BBOX1: variants seen among roughly 807,000 people sequenced by gnomAD.
BBOX1 encodes gamma-butyrobetaine hydroxylase 1.
In BBOX1, 35 loss-of-function variants were observed where a neutral mutation model predicts 41.6. That is an observed-to-expected ratio of 0.84 (90% confidence interval 0.64 to 1.11). The LOEUF (loss-of-function observed/expected upper bound fraction) is 1.11. Ranked by LOEUF, BBOX1 falls within the 50% of genes most tolerant of loss-of-function variation. The pLI is 0.00. For synonymous variants in BBOX1, 163 were observed against 154.7 expected (o/e 1.05, Z -0.40); for missense variants, 458 against 460.6 (o/e 0.99, Z 0.05).
chr11:27,047,504 A>T (rs536665140), intron 2 of BBOX1, among the ~76,000 whole-genome samples: 3 of 152,254 alleles, frequency 2.0e-5, no homozygotes, highest in Non-Finnish European at 4.4e-5. Flanking sequence ...TGGACTGGGT[A>T]TTCATTAAGT....
chr11:27,056,653 A>G (rs1369071216), intron 3 of BBOX1, among the ~76,000 whole-genome samples: 1 of 152,216 alleles, frequency 6.6e-6, no homozygotes, highest in Non-Finnish European at 1.5e-5. Flanking sequence ...TAGAGGATGT[A>G]GGTCAAGAAC....
chr11:27,115,187 A>C (rs913808823), intron 5 of BBOX1, among the ~76,000 whole-genome samples: 3 of 151,886 alleles, frequency 2.0e-5, no homozygotes, highest in African/African-American at 7.2e-5. Context: ...GATAACCTAC[A>C]ATTCCATATA....
intron 7 of BBOX1, among the ~76,000 whole-genome samples, chr11:27,122,519 A>G (rs1192228399): frequency 6.6e-6 from 1 of 152,128 alleles, no homozygotes; most frequent in African/African-American, 2.4e-5. Context: ...CTGGGGGGAG[A>G]TTTCTATTTC....
intron 6 of BBOX1, among the ~76,000 whole-genome samples, chr11:27,119,079 C>A (rs996290199): frequency 6.6e-6 from 1 of 152,064 alleles, no homozygotes; most frequent in African/African-American, 2.4e-5. Context: ...GACTCTCCAT[C>A]ATGAGGCCTC....
At chr11:27,045,241 G>A (rs944136671) in intron 2 of BBOX1, among the ~76,000 whole-genome samples, 1 of 152,076 alleles carries the variant, frequency 6.6e-6, no homozygotes, top group East Asian at 1.9e-4. Context: ...TCTGTTATTG[G>A]TGTATAGGAA....
intron 8 of BBOX1, among the ~76,000 whole-genome samples, chr11:27,126,560 T>C (rs966331415): frequency 6.6e-6 from 1 of 152,166 alleles, no homozygotes; most frequent in Admixed American, 6.5e-5. Flanking sequence ...AGGATTCTTA[T>C]GAGGCTTAGA....
chr11:27,067,715 C>A (rs139430265), intron 4 of BBOX1, among the ~76,000 whole-genome samples: 1 of 151,796 alleles, frequency 6.6e-6, no homozygotes, highest in Non-Finnish European at 1.5e-5. Flanking sequence ...GAGCCGAGAT[C>A]GCGCCACTGC....
In BBOX1 at chr11:27,119,678, A is replaced by G. The variant is rs1859394711; in HGVS notation, c.669A>G (p.Thr223=). ...GVQLLHCIKQ[T]VTGGDSEIVD... ...AGCTTCTTCACTGCATAAAGCAAAC[A>G]GTCACAGGGGGTGATTCAGAAATTG... is the stretch of plus-strand genomic sequence containing the variant. Residue 223 remains threonine (T), a synonymous_variant, in exon 7 of 9, where the codon ACA becomes ACG. Coordinates refer to ENST00000263182, the MANE Select transcript of BBOX1 (RefSeq NM_003986.3). 1 of 1,529,932 alleles carries G rather than the reference A, an allele frequency of 6.5e-7. No individual in the cohort carries two copies. Among genetic ancestry groups the G allele is most frequent in the East Asian group, 2.5e-5 (1 of 40,244 alleles). The allele number at this position is 1,529,932 out of a possible 1,614,324, so 94.8% of individuals were successfully genotyped here. A position where few individuals can be genotyped will look rare whatever the true frequency, so the allele number is the denominator to read the frequency against.
At chr11:27,101,005 T>C (rs901798005) in intron 5 of BBOX1, among the ~76,000 whole-genome samples, 6 of 152,096 alleles carry the variant, frequency 3.9e-5, no homozygotes, top group Non-Finnish European at 2.9e-5. Flanking sequence ...CTCATTATTT[T>C]GAATCTTCAC....
intron 4 of BBOX1, among the ~76,000 whole-genome samples, chr11:27,071,686 ACC>A (rs1857456481): frequency 6.6e-6 from 1 of 152,134 alleles, no homozygotes; most frequent in African/African-American, 2.4e-5. Context: ...ATACTGGCAA[ACC>A]AAATCCAGCA....
intron 6 of BBOX1, among the ~76,000 whole-genome samples, chr11:27,117,296 G>A (rs16916562): frequency 0.13 from 19,783 of 151,764 alleles, 4,234 homozygotes; most frequent in African/African-American, 0.44. Context: ...TTTTCTCTGT[G>A]CCCTTATTGT....
At chr11:27,086,490 G>A (rs561224369) in intron 4 of BBOX1, among the ~76,000 whole-genome samples, 1 of 152,188 alleles carries the variant, frequency 6.6e-6, no homozygotes, top group African/African-American at 2.4e-5. Flanking sequence ...CTGAATATTT[G>A]TTCAATAGCT....
intron 4 of BBOX1, among the ~76,000 whole-genome samples, chr11:27,085,691 G>T (rs1858017077): frequency 6.6e-6 from 1 of 151,896 alleles, no homozygotes. Flanking sequence ...AGGAAGAGTT[G>T]CATGTCTCTC....
chr11:27,055,755 G>T (rs1332449373), intron 3 of BBOX1, 106 bp downstream of exon 3: 4 of 1,014,084 alleles, frequency 3.9e-6, no homozygotes, highest in Non-Finnish European at 4.3e-6. Context: ...ATATATAACC[G>T]CATATGAACC....
Position 27,092,614 on chromosome 11 carries a change from C to T in BBOX1, c.335-554C>T, listed in dbSNP as rs568093455. Among the ~76,000 whole-genome samples, 16 of 151,956 alleles carry T rather than the reference C, an allele frequency of 1.1e-4. 1 individual carries two copies. The South Asian group carries it at 3.3e-3, about 32-fold the overall frequency. On this transcript the variant is annotated intron_variant, in intron 4 of 8. Transcript: ENST00000263182. ...AGGTCTATGCATTCCAGGAATATAC[C>T]TTCATCTTTTCTTGCTGACCCCAAA... is the stretch of plus-strand genomic sequence containing the variant.
chr11:27,075,058 C>T (rs1249595443), intron 4 of BBOX1, among the ~76,000 whole-genome samples: 1 of 152,162 alleles, frequency 6.6e-6, no homozygotes, highest in African/African-American at 2.4e-5. Flanking sequence ...TTATACTTGC[C>T]AGAATTATTT....
chr11:27,106,467 A>T (rs944918821), intron 5 of BBOX1, among the ~76,000 whole-genome samples: 5 of 152,260 alleles, frequency 3.3e-5, no homozygotes, highest in African/African-American at 1.2e-4. Context: ...AGACTTTAAA[A>T]CAGCAAAGAT....
intron 5 of BBOX1, among the ~76,000 whole-genome samples, chr11:27,111,121 A>C (rs1859045586): frequency 6.6e-6 from 1 of 151,874 alleles, no homozygotes; most frequent in South Asian, 2.1e-4. Flanking sequence ...ATAACAATAA[A>C]ATTAATCATT....
intron 7 of BBOX1, among the ~76,000 whole-genome samples, chr11:27,121,656 C>A (rs1381330634): frequency 1.3e-5 from 2 of 152,072 alleles, no homozygotes. Flanking sequence ...AGATAGACGT[C>A]AAGAATGAAA....
Sources: gnomAD v4.1 joint callset for allele counts (sites outside exome capture counted in the v4.1 genomes callset) on GRCh38, gnomAD v4.1.1 for gene constraint, MANE v1.5 for transcripts, NCBI Gene and HGNC (gene_info 2026-07-23, HGNC 2026-07-21) for gene names.